The following ST6GAL2 variants were observed in gnomAD, a reference collection of about 807,000 sequenced individuals.
The protein encoded by ST6GAL2 is ST6 beta-galactoside alpha-2,6-sialyltransferase 2, also known as beta-galactoside alpha-2,6-sialyltransferase 2.
ST6GAL2 carries 24 observed loss-of-function variants against 37.5 expected under a neutral mutation model. That is an observed-to-expected ratio of 0.64 (90% CI 0.46 to 0.90). The LOEUF is 0.90. ST6GAL2 is among the 40% of genes least tolerant of loss of function. ST6GAL2 has a pLI of 0.00. For missense variants in ST6GAL2, 715 were observed against 712.7 expected (o/e 1.00, Z -0.04); for synonymous variants, 306 against 295.1 (o/e 1.04, Z -0.38).
intron 1 of ST6GAL2, among the ~76,000 whole-genome samples, chr2:106,880,396 C>T (rs1678699098): frequency 1.3e-5 from 2 of 152,180 alleles, no homozygotes; most frequent in African/African-American, 2.4e-5. Context: ...TGTAGGATTC[C>T]AGTCATCAGC....
intron 5 of ST6GAL2, among the ~76,000 whole-genome samples, chr2:106,813,535 T>C (rs148597873): frequency 4.7e-4 from 72 of 152,328 alleles, no homozygotes; most frequent in African/African-American, 1.6e-3. Context: ...TTGGCATATA[T>C]AGATATATTT....
At chr2:106,817,869 G>A (rs1675860551) in intron 5 of ST6GAL2, among the ~76,000 whole-genome samples, 1 of 152,118 alleles carries the variant, frequency 6.6e-6, no homozygotes, top group African/African-American at 2.4e-5. Flanking sequence ...CCCAGGTCTG[G>A]TAGCATTTAC....
At chr2:106,886,746 C>G (rs1679016373), upstream of ST6GAL2, 2 of 151,870 alleles carry the variant, frequency 1.3e-5, no homozygotes, top group Admixed American at 1.3e-4. Flanking sequence ...TGGCGGGAGC[C>G]GGGCACTGGG....
In ST6GAL2 at chr2:106,803,235, TA is replaced by T. The variant is rs1197281970; in HGVS notation, c.*3442del. Reference sequence around the variant, plus strand: ...GACTACTGGAGAGTCCAGGATTGATTAAGTGTCTGGCTGAGAGACCAAGAGG... The same window carrying T: ...GACTACTGGAGAGTCCAGGATTGATTAGTGTCTGGCTGAGAGACCAAGAGG... On this transcript the variant is annotated 3_prime_UTR_variant, in exon 6 of 6. Coordinates refer to ENST00000409382, the MANE Select transcript of ST6GAL2 (RefSeq NM_001142351.2). 6.6e-6 allele frequency: 1 copy of T among 152,192 alleles called. No individual in the cohort carries two copies. Among genetic ancestry groups the T allele is most frequent in the Non-Finnish European group, 1.5e-5 (1 of 68,036 alleles). 9.4% of individuals were successfully genotyped at this position (152,192 alleles called of 1,614,324 possible). A position where few individuals can be genotyped will look rare whatever the true frequency, so the allele number is the denominator to read the frequency against.
chr2:106,830,342 T>C, intron 4 of ST6GAL2, 102 bp from the exon 5 acceptor site: 1 of 905,430 alleles, frequency 1.1e-6, no homozygotes, highest in South Asian at 1.6e-5. Context: ...AGGCTGGGGC[T>C]AGAGGATGGG....
intron 5 of ST6GAL2, among the ~76,000 whole-genome samples, chr2:106,823,486 C>CACACACACACACACACACAG (rs755735360): frequency 4.2e-5 from 5 of 117,892 alleles, no homozygotes; most frequent in Non-Finnish European, 7.1e-5. Context: ...CACACACACA[C>CACACACACACACACACACAG]AGAGAGAGAG....
chr2:106,836,437 T>G (rs1415801550), intron 2 of ST6GAL2, among the ~76,000 whole-genome samples: 1 of 152,216 alleles, frequency 6.6e-6, no homozygotes, highest in East Asian at 1.9e-4. Flanking sequence ...AACCTATCAA[T>G]GAACTTTTTG....
chr2:106,886,140 T>A lies in ST6GAL2; in HGVS notation c.-105A>T, dbSNP rs1465853659. 6.6e-6 allele frequency: 1 copy of A among 152,276 alleles called. No individual in the cohort carries two copies. The allele number at this position is 152,276 out of a possible 1,614,324, so 9.4% of individuals were successfully genotyped here. Reference sequence around the variant, plus strand: ...CTCGAAGCGCACGACACCGTGGTGCTCGGTGCTCCCCCTGGCAGCGCGGCA... The same window carrying A: ...CTCGAAGCGCACGACACCGTGGTGCACGGTGCTCCCCCTGGCAGCGCGGCA... On this transcript the variant is annotated 5_prime_UTR_variant, in exon 1 of 6. Transcript: ENST00000409382.
intron 2 of ST6GAL2, among the ~76,000 whole-genome samples, chr2:106,842,156 C>T (rs986444818): frequency 2.6e-5 from 4 of 152,226 alleles, no homozygotes; most frequent in African/African-American, 9.6e-5. Flanking sequence ...TGCTGGGCTG[C>T]ACTACCTATT....
chr2:106,813,206 C>T (rs1407831359), intron 5 of ST6GAL2: 8 of 1,364,656 alleles, frequency 5.9e-6, no homozygotes, highest in East Asian at 3.1e-5. Context: ...TCTGATATGG[C>T]CAATTTTTAC....
At chr2:106,854,687 G>A (rs1408890117) in intron 1 of ST6GAL2, among the ~76,000 whole-genome samples, 3 of 152,038 alleles carry the variant, frequency 2.0e-5, no homozygotes, top group Admixed American at 6.5e-5. Context: ...AGATAAACAC[G>A]AGTGTCTGAC....
intron 1 of ST6GAL2, among the ~76,000 whole-genome samples, chr2:106,867,863 CAGG>C (rs1160881012): frequency 1.3e-5 from 2 of 152,094 alleles, no homozygotes; most frequent in Non-Finnish European, 2.9e-5. Flanking sequence ...GATTTCTATC[CAGG>C]ACTTTCTTTC....
chr2:106,874,358 G>T (rs1558730380), intron 1 of ST6GAL2, among the ~76,000 whole-genome samples: 1 of 152,084 alleles, frequency 6.6e-6, no homozygotes, highest in Non-Finnish European at 1.5e-5. Flanking sequence ...ATAATAATCG[G>T]GTCAAGGAGA....
At chr2:106,883,364 T>C (rs908288223) in intron 1 of ST6GAL2, among the ~76,000 whole-genome samples, 8 of 152,080 alleles carry the variant, frequency 5.3e-5, no homozygotes, top group African/African-American at 1.7e-4. Context: ...TTCGGAAAAA[T>C]GGTAGGTATA....
At chr2:106,813,999 GA>G (rs1558676720) in intron 5 of ST6GAL2, among the ~76,000 whole-genome samples, 1 of 152,174 alleles carries the variant, frequency 6.6e-6, no homozygotes, top group Non-Finnish European at 1.5e-5. Flanking sequence ...GATTCTTAAA[GA>G]GATAAAAGTG....
intron 1 of ST6GAL2, among the ~76,000 whole-genome samples, chr2:106,858,385 T>C (rs1342159192): frequency 2.6e-5 from 4 of 152,156 alleles, no homozygotes; most frequent in African/African-American, 7.2e-5. Flanking sequence ...TTTTTTCCAT[T>C]CCCTTTTACC....
chr2:106,803,001 C>T lies in ST6GAL2; in HGVS notation c.*3677G>A, dbSNP rs562976183. The T allele has an allele frequency of 6.6e-6, 1 of 152,152 alleles. No homozygotes were observed. The highest frequency in any genetic ancestry group is 1.5e-5 in the Non-Finnish European group (1 of 68,046). 9.4% of individuals were successfully genotyped at this position (152,152 alleles called of 1,614,324 possible). A position where few individuals can be genotyped will look rare whatever the true frequency, so the allele number is the denominator to read the frequency against. On this transcript the variant is annotated 3_prime_UTR_variant, in exon 6 of 6. Transcript: ENST00000409382. ...TCTAAGACTGATCCCACTTAAAGCA[C>T]CCAAACGGGACCTACCTAATTAATT...
At chr2:106,879,866 C>T (rs747979695) in intron 1 of ST6GAL2, among the ~76,000 whole-genome samples, 1 of 147,070 alleles carries the variant, frequency 6.8e-6, no homozygotes, top group Non-Finnish European at 1.5e-5. Flanking sequence ...ATAATATATA[C>T]ATTATACATA....
chr2:106,852,015 C>T (rs1677385043), intron 1 of ST6GAL2, among the ~76,000 whole-genome samples: 1 of 152,170 alleles, frequency 6.6e-6, no homozygotes, highest in Admixed American at 6.5e-5. Context: ...TCTTAACACC[C>T]TTATTGGCAC....
Sources: allele counts gnomAD v4.1 joint callset (sites outside exome capture counted in the v4.1 genomes callset), GRCh38; gene constraint gnomAD v4.1.1; transcripts MANE v1.5; gene names NCBI Gene and HGNC (gene_info 2026-07-23, HGNC 2026-07-21).